CCDC171: variants seen among roughly 807,000 people sequenced by gnomAD.
CCDC171 encodes the protein coiled-coil domain-containing protein 171.
A neutral mutation model predicts 168.2 loss-of-function variants in CCDC171; 177 were observed. That is an observed-to-expected ratio of 1.05 (90% CI 0.93 to 1.19). The LOEUF (loss-of-function observed/expected upper bound fraction) is 1.19, where lower values mean the gene tolerates loss of function less well. CCDC171 is among the 50% of genes most tolerant of loss of function. The probability of loss-of-function intolerance (pLI) is 0.00; values close to 1 mark genes in which losing one functional copy is unlikely to be tolerated. For synonymous variants in CCDC171, 687 were observed against 540.8 expected, an observed-to-expected ratio of 1.27 and a Z score of -3.75; for missense variants, 1,991 against 1,539.0, an observed-to-expected ratio of 1.29 and a Z score of -4.91.
intron 24 of CCDC171, among the ~76,000 whole-genome samples, chr9:15,878,155 C>T (rs1027800938): frequency 1.3e-5 from 2 of 152,108 alleles, no homozygotes; most frequent in Non-Finnish European, 2.9e-5. Flanking sequence ...TTAAGAGCTT[C>T]TGTACAGCAA....
chr9:15,949,084 TTTCCCC>T (rs1158039640), intron 25 of CCDC171, among the ~76,000 whole-genome samples: 1 of 152,128 alleles, frequency 6.6e-6, no homozygotes, highest in Non-Finnish European at 1.5e-5. Context: ...TAGGGAATCC[TTTCCCC>T]ATTGCTTGTT....
At chr9:15,943,943 T>C (rs975091955) in intron 25 of CCDC171, among the ~76,000 whole-genome samples, 1 of 151,982 alleles carries the variant, frequency 6.6e-6, no homozygotes, top group Non-Finnish European at 1.5e-5. Flanking sequence ...GAAGGAATGA[T>C]AGGGCTTGAA....
intron 2 of CCDC171, among the ~76,000 whole-genome samples, chr9:15,567,103 C>T (rs1237843731): frequency 1.4e-5 from 2 of 148,062 alleles, no homozygotes; most frequent in Non-Finnish European, 3.0e-5. Context: ...CTCACTGCAA[C>T]CTCTGTCCCC....
chr9:15,631,985 A>G (rs1406644693), intron 7 of CCDC171, among the ~76,000 whole-genome samples: 2 of 152,180 alleles, frequency 1.3e-5, no homozygotes, highest in African/African-American at 4.8e-5. Context: ...TCATGCTAAA[A>G]ACTCTCAATA....
intron 18 of CCDC171, among the ~76,000 whole-genome samples, chr9:15,763,559 C>T (rs2056565603): frequency 6.6e-6 from 1 of 152,174 alleles, no homozygotes; most frequent in Admixed American, 6.5e-5. Context: ...ATACAAAAAA[C>T]ACTCTAATCA....
chr9:15,972,412 A>C lies in CCDC171; in HGVS notation c.*576A>C, dbSNP rs1315542945. 6.5e-6 allele frequency: 1 copy of C among 152,784 alleles called. No homozygotes were observed. The highest frequency in any genetic ancestry group is 1.5e-5 in the Non-Finnish European group (1 of 68,510). The allele number at this position is 152,784 out of a possible 1,614,324, so 9.5% of individuals were successfully genotyped here. A position where few individuals can be genotyped will look rare whatever the true frequency, so the allele number is the denominator to read the frequency against. On this transcript the variant is annotated 3_prime_UTR_variant, in exon 26 of 26. Transcript: ENST00000380701. ...AATGTCACTCCTGGTCAATGTGAGA[A>C]GGTCAGGTTGCTCCTTGTAAAGCTA...
intron 24 of CCDC171, among the ~76,000 whole-genome samples, chr9:15,917,194 T>C (rs963621781): frequency 6.6e-6 from 1 of 151,942 alleles, no homozygotes; most frequent in African/African-American, 2.4e-5. Context: ...GTTAACATTC[T>C]TTATTCTTCA....
chr9:16,073,412 T>C, the CCDC171 span, among the ~76,000 whole-genome samples: 8 of 152,240 alleles, frequency 5.3e-5, no homozygotes, highest in Non-Finnish European at 8.8e-5. Flanking sequence ...AAAGTTCTTT[T>C]TACAAGCACT....
intron 7 of CCDC171, among the ~76,000 whole-genome samples, chr9:15,636,235 G>T (rs997238362): frequency 1.3e-5 from 2 of 152,030 alleles, no homozygotes; most frequent in Non-Finnish European, 2.9e-5. Context: ...CAACAGAAAT[G>T]CCAAATATGA....
At chr9:15,836,062 C>T (rs1350429494) in intron 21 of CCDC171, among the ~76,000 whole-genome samples, 1 of 152,082 alleles carries the variant, frequency 6.6e-6, no homozygotes. Context: ...TATCTTCCCC[C>T]AATGATCCAA....
chr9:15,561,061 G>A (rs928630288), intron 1 of CCDC171, among the ~76,000 whole-genome samples: 8 of 152,132 alleles, frequency 5.3e-5, no homozygotes, highest in African/African-American at 1.9e-4. Flanking sequence ...TTCGTCTTTT[G>A]TGTCGCTCAC....
chr9:16,077,599 G>A, the CCDC171 span, among the ~76,000 whole-genome samples: 19 of 152,166 alleles, frequency 1.2e-4, no homozygotes, highest in African/African-American at 4.6e-4. Flanking sequence ...GAGACATGTG[G>A]AGGAGCTCTA....
Position 15,723,411 on chromosome 9 carries a change from C to G in CCDC171, c.1426-270C>G, listed in dbSNP as rs117308587. Among the ~76,000 whole-genome samples, 46 of 152,148 alleles carry G rather than the reference C, an allele frequency of 3.0e-4. No homozygotes were observed. The East Asian group carries it at 8.9e-3, about 29-fold the overall frequency. ...ATAAGAATGAAATCCTTTATCTGGA[C>G]GTGTGGTAAAAATATAGTAACATAA... On this transcript the variant is annotated intron_variant, in intron 12 of 25. Transcript: ENST00000380701.
chr9:15,587,535 C>G, intron 4 of CCDC171: 1 of 420,446 alleles, frequency 2.4e-6, no homozygotes, highest in Admixed American at 2.6e-5. Context: ...TGCCCAGTCT[C>G]AGGTATGTCT....
chr9:15,864,078 TTG>T (rs2131030830), intron 23 of CCDC171, among the ~76,000 whole-genome samples: 1 of 152,194 alleles, frequency 6.6e-6, no homozygotes, highest in Non-Finnish European at 1.5e-5. Context: ...GATTTTTTTC[TTG>T]GTTAAGCTTT....
chr9:15,564,136 C>A lies in CCDC171; in HGVS notation c.41+7C>A. The A allele has an allele frequency of 6.2e-7, 1 of 1,601,322 alleles. No homozygotes were observed. The highest frequency in any genetic ancestry group is 8.5e-7 in the Non-Finnish European group (1 of 1,172,718). On this transcript the variant is annotated splice_region_variant and intron_variant, in intron 2 of 25. Coordinates refer to ENST00000380701, the MANE Select transcript of CCDC171 (RefSeq NM_173550.4). The stretch of plus-strand genomic sequence containing the variant: ...ATACTGGTGATACCCAAAGGTAAGC[C>A]TCTAGTCTCTTCTTTTAGTTGATGA...
intron 6 of CCDC171, among the ~76,000 whole-genome samples, chr9:16,033,724 A>G (rs1195931089): frequency 6.7e-6 from 1 of 150,364 alleles, no homozygotes. Flanking sequence ...TGTCTTACAC[A>G]AAACCAGTCC....
intron 6 of CCDC171, among the ~76,000 whole-genome samples, chr9:16,028,791 G>C (rs1323479663): frequency 1.3e-5 from 2 of 152,178 alleles, no homozygotes; most frequent in Non-Finnish European, 2.9e-5. Flanking sequence ...TCAGTGACTT[G>C]GCATGGCAGG....
At chr9:15,818,767 C>T (rs2136064927) in intron 21 of CCDC171, among the ~76,000 whole-genome samples, 1 of 118,022 alleles carries the variant, frequency 8.5e-6, no homozygotes, top group African/African-American at 3.2e-5. Flanking sequence ...GGAAAACACT[C>T]TGCAGGATAT....
Sources: allele counts gnomAD v4.1 joint callset (sites outside exome capture counted in the v4.1 genomes callset), GRCh38; gene constraint gnomAD v4.1.1; transcripts MANE v1.5; gene names NCBI Gene and HGNC (gene_info 2026-07-23, HGNC 2026-07-21).